SBF1: variants seen among roughly 807,000 people sequenced by gnomAD.
SBF1 encodes myotubularin-related protein 5.
A neutral mutation model predicts 215.8 loss-of-function variants in SBF1; 65 were observed. The ratio of observed to expected loss-of-function variants is 0.30; its 90% CI spans 0.25 to 0.37. The LOEUF (loss-of-function observed/expected upper bound fraction) is 0.37, where lower values mean the gene tolerates loss of function less well. Ranked by LOEUF, SBF1 falls within the 10% of genes least tolerant of loss-of-function variation. The probability of loss-of-function intolerance (pLI) is 1.00; values close to 1 mark genes in which losing one functional copy is unlikely to be tolerated. For missense variants in SBF1, 2,634 were observed against 2,667.8 expected (o/e 0.99, Z 0.28); for synonymous variants, 1,410 against 1,122.8 (o/e 1.26, Z -5.11).
intron 1 of SBF1, among the ~76,000 whole-genome samples, chr22:50,468,691 C>G (rs933883021): frequency 6.6e-6 from 1 of 152,122 alleles, no homozygotes; most frequent in Non-Finnish European, 1.5e-5. Flanking sequence ...TCCGATCCCA[C>G]CCCAGAGACC....
rs2067264255 is a variant in SBF1, at chr22:50,456,662, T to A, written c.3916A>T (p.Ser1306Cys). 1 of 1,481,464 alleles carries A rather than the reference T, an allele frequency of 6.8e-7. No homozygotes were observed. The highest frequency in any genetic ancestry group is 9.0e-7 in the Non-Finnish European group (1 of 1,115,226). The allele number at this position is 1,481,464 out of a possible 1,614,324, so 91.8% of individuals were successfully genotyped here. The change falls in exon 30 of 41, where the codon AGT becomes TGT. Residue 1306 changes from serine to cysteine, a missense_variant. Physicochemically the swap from Ser to Cys is moderately radical, Grantham distance 112. Transcript: ENST00000380817. ...RRTAPRGKWG[S>C]VRTSGRSSGL... ...CTGCTGCGTCCACTGGTCCGGACAC[T>A]GCCCCACTTACCTGTGAAGGAGATG...
At position 50,466,039 on chromosome 22, in the gene SBF1, C is replaced by T. The variant is rs751071230; in HGVS notation, c.933G>A (p.Thr311=). ...TGTGCACACACTCAGGAATGGTGAC[C>T]GTCCCTCCATCCAGATCAGCAACAA... ...DVIVADLDGG[T]VTIPECVHIP... Residue 311 remains threonine, a synonymous_variant, in exon 9 of 41, where the codon ACG becomes ACA. Transcript: ENST00000380817. The T allele has an allele frequency of 9.9e-6, 16 of 1,613,776 alleles. No homozygotes were observed. The highest frequency in any genetic ancestry group is 2.2e-5 in the East Asian group (1 of 44,900).
At position 50,460,730 on chromosome 22, in the gene SBF1, G is replaced by A; in HGVS notation, c.2968-18C>T. On this transcript the variant is annotated intron_variant, in intron 23 of 40. Transcript: ENST00000380817. ...TTCAGCAGCTGTGTCAGTAAAAGCAGCCCTTAGGGGTGTGGGTGGCCCCCC... is the reference window on the plus strand; with the variant it reads ...TTCAGCAGCTGTGTCAGTAAAAGCAACCCTTAGGGGTGTGGGTGGCCCCCC... The A allele has an allele frequency of 1.2e-6, 2 of 1,604,182 alleles. No individual in the cohort carries two copies. The highest frequency in any genetic ancestry group is 1.7e-6 in the Non-Finnish European group (2 of 1,173,740).
In SBF1 at chr22:50,465,857, G is replaced by A. The variant is rs1456413659; in HGVS notation, c.1012-17C>T. 1 of 1,612,996 alleles carries A rather than the reference G, an allele frequency of 6.2e-7. No homozygotes were observed. Among genetic ancestry groups the A allele is most frequent in the East Asian group, 2.2e-5 (1 of 44,890 alleles). On this transcript the variant is annotated splice_polypyrimidine_tract_variant and intron_variant, in intron 9 of 40. Coordinates refer to ENST00000380817, the MANE Select transcript of SBF1 (RefSeq NM_002972.4). ...GTCCAGGACCTGCCAGCACAGAATG[G>A]AGCAGGCAGCTGCACGCTGGCCCCG...
Position 50,446,646 on chromosome 22 carries a change from C to T in SBF1, c.*496G>A. On this transcript the variant is annotated 3_prime_UTR_variant, in exon 41 of 41. Coordinates refer to ENST00000380817, the MANE Select transcript of SBF1 (RefSeq NM_002972.4). Reference sequence around the variant, plus strand: ...TCCGCCCCCAGAGCAAAGTCACTCCCAGGGACATGCAGGCCGAGCTGGGTG... The same window carrying T: ...TCCGCCCCCAGAGCAAAGTCACTCCTAGGGACATGCAGGCCGAGCTGGGTG... The T allele has an allele frequency of 5.5e-6, 2 of 363,820 alleles. No individual in the cohort carries two copies. The highest frequency in any genetic ancestry group is 1.1e-5 in the Non-Finnish European group (2 of 184,184). The allele number at this position is 363,820 out of a possible 1,614,324, so 22.5% of individuals were successfully genotyped here.
Position 50,448,588 on chromosome 22 carries a change from G to A in SBF1, c.5106C>T (p.Asp1702=), listed in dbSNP as rs1412339099. 18 of 1,611,960 alleles carry A rather than the reference G, an allele frequency of 1.1e-5. No individual in the cohort carries two copies. Among genetic ancestry groups the A allele is most frequent in the Non-Finnish European group, 1.4e-5 (17 of 1,180,024 alleles). The change falls in exon 37 of 41, where the codon GAC becomes GAT. Residue 1702 remains aspartate, a synonymous_variant. Transcript: ENST00000380817. ...CGAGGCGCTGTGCAGCCTTCACCCG[G>A]TCCCAGGTGTCCTTCCAGCGCTCAG... ...QPAERWKDTW[D]RVKAAQRLEG...
Position 50,468,196 on chromosome 22 carries a change from G to A in SBF1, c.141+180C>T, listed in dbSNP as rs565821498. Among the ~76,000 whole-genome samples the A allele has an allele frequency of 4.6e-5, 7 of 152,314 alleles. No individual in the cohort carries two copies. The South Asian group carries it at 8.3e-4, about 18-fold the overall frequency. On this transcript the variant is annotated intron_variant, in intron 2 of 40. Transcript: ENST00000380817. The stretch of plus-strand genomic sequence containing the variant: ...GAGTGACAACATGACACAGTGACAT[G>A]AGCACCGCACAGGCCGCCGGCCAAG...
chr22:50,448,823 G>A (rs760288221), intron 36 of SBF1, among the ~76,000 whole-genome samples, 173 bp from the exon 37 acceptor site: 3 of 152,172 alleles, frequency 2.0e-5, no homozygotes, highest in East Asian at 1.9e-4. Flanking sequence ...ATGAATATTC[G>A]GAGACAACAG....
At chr22:50,474,689 G>A in intron 1 of SBF1, 97 bp downstream of exon 1, 1 of 1,032,656 alleles carries the variant, frequency 9.7e-7, no homozygotes, top group Non-Finnish European at 1.3e-6. Flanking sequence ...CCAGCCCTCG[G>A]CCCCCAGCCC....
chr22:50,454,675 G>C lies in SBF1; in HGVS notation c.4880C>G (p.Ala1627Gly), dbSNP rs1297984632. Residue 1627 changes from alanine to glycine, a missense_variant, in exon 36 of 41, where the codon GCC (alanine) becomes GGC (glycine). By Grantham distance (60) the Ala-to-Gly change is moderately conservative (BLOSUM62 0). Coordinates refer to ENST00000380817, the MANE Select transcript of SBF1 (RefSeq NM_002972.4). The part of the protein sequence containing the change: ...VWDFYTEETL[A>G]EGPPYDWELA... ...TTCCCAGTCATAGGGAGGGCCCTCG[G>C]CCAGCGTCTCCTCAGTGTAGAAGTC... 7.0e-6 allele frequency: 11 copies of C among 1,575,700 alleles called. No homozygotes were observed. The highest frequency in any genetic ancestry group is 9.5e-6 in the Non-Finnish European group (11 of 1,161,774).
chr22:50,468,541 A>G, intron 1 of SBF1, 80 bp from the exon 2 acceptor site: 3 of 865,180 alleles, frequency 3.5e-6, no homozygotes, highest in Non-Finnish European at 4.9e-6. Flanking sequence ...GGGTGGAAAC[A>G]TTCCCACCCA....
At chr22:50,464,124 C>A (rs1010070374) in intron 15 of SBF1, among the ~76,000 whole-genome samples, 3 of 152,228 alleles carry the variant, frequency 2.0e-5, no homozygotes, top group African/African-American at 7.2e-5. Context: ...GGCTGGGTCT[C>A]CCGCGCAGGC....
chr22:50,447,604 T>G lies in SBF1; in HGVS notation c.5369A>C (p.Tyr1790Ser). The G allele has an allele frequency of 6.2e-7, 1 of 1,609,226 alleles. No homozygotes were observed. Among genetic ancestry groups the G allele is most frequent in the Non-Finnish European group, 8.5e-7 (1 of 1,178,138 alleles). ...CCCCTTCTTGTACAGAGTGCCCTCGTAGGACCTGCATTTCCAGCAGAACCA... is the reference window on the plus strand; with the variant it reads ...CCCCTTCTTGTACAGAGTGCCCTCGGAGGACCTGCATTTCCAGCAGAACCA... Reference protein sequence around the residue: ...FQTAESENRSYEGTLYKKGAF... With the variant: ...FQTAESENRSSEGTLYKKGAF... The change falls in exon 39 of 41, where the codon TAC (tyrosine) becomes TCC (serine). Residue 1790 changes from tyrosine to serine, a missense_variant. Transcript: ENST00000380817.
At chr22:50,461,455 G>A in intron 22 of SBF1, 68 bp downstream of exon 22, 3 of 1,517,794 alleles carry the variant, frequency 2.0e-6, no homozygotes, top group South Asian at 1.2e-5. Context: ...AGGGAGGCAG[G>A]GAAAGCCCAT....
intron 1 of SBF1, among the ~76,000 whole-genome samples, chr22:50,473,632 G>A (rs1039643645): frequency 2.6e-5 from 4 of 152,148 alleles, no homozygotes; most frequent in African/African-American, 9.7e-5. Flanking sequence ...GTAGGGGGGT[G>A]TCCAGCAGAA....
rs1227998379 is a variant in SBF1 at position 50,456,562 on chromosome 22, G to A, written c.4016C>T (p.Pro1339Leu). 1 of 1,579,888 alleles carries A rather than the reference G, an allele frequency of 6.3e-7. No individual in the cohort carries two copies. Among genetic ancestry groups the A allele is most frequent in the Admixed American group, 1.8e-5 (1 of 56,054 alleles). The change falls in exon 30 of 41, where the codon CCT (proline) becomes CTT (leucine). Residue 1339 changes from proline to leucine, a missense_variant. Physicochemically the swap from Pro to Leu is moderately conservative, Grantham distance 98. Coordinates refer to ENST00000380817, the MANE Select transcript of SBF1 (RefSeq NM_002972.4). ...ALAPPQANGG[P>L]PDPGFLRPQR... Reference sequence around the variant, plus strand: ...CGGACGCAGGAAGCCCGGGTCGGGAGGGCCCCCGTTGGCCTGGGGTGGGGC... The same window carrying A: ...CGGACGCAGGAAGCCCGGGTCGGGAAGGCCCCCGTTGGCCTGGGGTGGGGC...
At chr22:50,450,570 C>T (rs1052349421) in intron 36 of SBF1, among the ~76,000 whole-genome samples, 1 of 151,858 alleles carries the variant, frequency 6.6e-6, no homozygotes, top group African/African-American at 2.4e-5. Context: ...TAGAGGAATG[C>T]TAAAAGATAC....
Position 50,474,814 on chromosome 22 carries a change from C to A in SBF1, c.27G>T (p.Val9=), listed in dbSNP as rs1335574848. Residue 9 remains valine (V), a synonymous_variant, in exon 1 of 41, where the codon GTG becomes GTT. Transcript: ENST00000380817. ...GCGGGTGCGGCCCGAACGCCACCAG[C>A]ACGAAGTAGTCCGCGAGCCGCGCCA... MARLADYF[V]LVAFGPHPRG... is the part of the protein sequence containing the mutation. 11 of 1,447,524 alleles carry A rather than the reference C, an allele frequency of 7.6e-6. No homozygotes were observed. In the African/African-American group the frequency reaches 1.0e-4, roughly 14 times the overall value. 89.7% of individuals were successfully genotyped at this position (1,447,524 alleles called of 1,614,324 possible).
Position 50,455,484 on chromosome 22 carries a change from G to A in SBF1, c.4365C>T (p.Thr1455=), listed in dbSNP as rs1132981. 2 of 1,610,376 alleles carry A rather than the reference G, an allele frequency of 1.2e-6. No individual in the cohort carries two copies. Among genetic ancestry groups the A allele is most frequent in the South Asian group, 1.1e-5 (1 of 90,746 alleles). The part of the protein sequence containing the change: ...VGLEDGWDIT[T]QVVSLVQLLS... The stretch of plus-strand genomic sequence containing the variant: ...CCCAGCCCCACGCGCCACACACCTG[G>A]GTGGTGATGTCCCAGCCATCCTCCA... Residue 1455 remains threonine, a synonymous_variant, in exon 32 of 41, where the codon ACC becomes ACT. Coordinates refer to ENST00000380817, the MANE Select transcript of SBF1 (RefSeq NM_002972.4).
Sources: allele counts gnomAD v4.1 joint callset (sites outside exome capture counted in the v4.1 genomes callset), GRCh38; gene constraint gnomAD v4.1.1; transcripts MANE v1.5; gene names NCBI Gene and HGNC (gene_info 2026-07-23, HGNC 2026-07-21).